Variants in THAP5 observed in about 807,000 individuals in gnomAD.
THAP5 encodes THAP domain containing 5, also known as THAP domain-containing protein 5.
In THAP5, 26 loss-of-function variants were observed where a neutral mutation model predicts 34.0. The ratio of observed to expected loss-of-function variants is 0.77; its 90% CI spans 0.56 to 1.06. The LOEUF is 1.06. THAP5 is among the 50% of genes least tolerant of loss of function. The pLI is 0.00. For missense variants in THAP5, 394 were observed against 452.8 expected (o/e 0.87, Z 1.18); for synonymous variants, 125 against 153.0 (o/e 0.82, Z 1.35).
downstream of THAP5, among the ~76,000 whole-genome samples, chr7:108,560,355 CT>C (rs1298512762): frequency 6.6e-6 from 1 of 152,218 alleles, no homozygotes; most frequent in Non-Finnish European, 1.5e-5. Context: ...CTTTTCAAGG[CT>C]TTACTGAGGT....
chr7:108,569,728 C>T, upstream of THAP5: 1 of 921,488 alleles, frequency 1.1e-6, no homozygotes, highest in Non-Finnish European at 1.6e-6. Context: ...TCCGCCTCCT[C>T]CGGTTTAAGC....
At chr7:108,542,627 T>G in the THAP5 span, among the ~76,000 whole-genome samples, 1 of 152,152 alleles carries the variant, frequency 6.6e-6, no homozygotes, top group Non-Finnish European at 1.5e-5. Context: ...CACGCCCAGC[T>G]AATTTTTGTT....
At chr7:108,561,321 T>G (rs775672447), downstream of THAP5, among the ~76,000 whole-genome samples, 8 of 151,768 alleles carry the variant, frequency 5.3e-5, no homozygotes, top group Non-Finnish European at 1.0e-4. Context: ...TGGAATGCAG[T>G]GGCACGATCT....
At chr7:108,567,109 A>C (rs776625906) in intron 1 of THAP5, among the ~76,000 whole-genome samples, 1 of 152,178 alleles carries the variant, frequency 6.6e-6, no homozygotes, top group Admixed American at 6.5e-5. Flanking sequence ...TTAAGATGCC[A>C]TGGAAAGTCT....
At chr7:108,565,599 G>T in intron 2 of THAP5, 1 of 338,238 alleles carries the variant, frequency 3.0e-6, no homozygotes. Flanking sequence ...TAAAACTCAT[G>T]AACTTGTGTT....
chr7:108,557,217 C>G (rs1044367931), downstream of THAP5, among the ~76,000 whole-genome samples: 3 of 152,224 alleles, frequency 2.0e-5, no homozygotes, highest in African/African-American at 7.2e-5. Context: ...AAGCCTTTTC[C>G]CCATTGTCTT....
Position 108,569,601 on chromosome 7 carries a change from G to T in THAP5, c.-32C>A. 1 of 1,549,468 alleles carries T rather than the reference G, an allele frequency of 6.5e-7. No homozygotes were observed. Among genetic ancestry groups the T allele is most frequent in the East Asian group, 2.4e-5 (1 of 40,924 alleles). ...GGTGAGGCCCCTGGAGACCGGGGCC[G>T]GCGACGGATGCAGGGCGGCCCTCCT... On this transcript the variant is annotated 5_prime_UTR_variant, in exon 1 of 3. Transcript: ENST00000415914.
downstream of THAP5, among the ~76,000 whole-genome samples, chr7:108,558,381 G>GTGTGTA (rs1321603472): frequency 6.4e-5 from 6 of 93,822 alleles, no homozygotes; most frequent in Admixed American, 1.0e-4. Flanking sequence ...GTGTGTGTAT[G>GTGTGTA]TATATATATA....
At chr7:108,545,922 A>G in the THAP5 span, among the ~76,000 whole-genome samples, 1 of 151,982 alleles carries the variant, frequency 6.6e-6, no homozygotes, top group Non-Finnish European at 1.5e-5. Flanking sequence ...TTGACATTCT[A>G]ATTTCTATGG....
intron 1 of THAP5, 26 bp from the exon 2 acceptor site, chr7:108,566,048 A>G: frequency 6.7e-7 from 1 of 1,491,680 alleles, no homozygotes. Context: ...AAAAGAAGAA[A>G]AAAGGAAAAA....
At position 108,569,594 on chromosome 7, in the gene THAP5, CG is replaced by C. The variant is rs1447357949; in HGVS notation, c.-26del. Reference sequence around the variant, plus strand: ...TGACTCGGGTGAGGCCCCTGGAGACCGGGGCCGGCGACGGATGCAGGGCGGC... The same window carrying C: ...TGACTCGGGTGAGGCCCCTGGAGACCGGGCCGGCGACGGATGCAGGGCGGC... On this transcript the variant is annotated 5_prime_UTR_variant, in exon 1 of 3. Transcript: ENST00000415914. 1.3e-6 allele frequency: 2 copies of C among 1,550,092 alleles called. No individual in the cohort carries two copies. The highest frequency in any genetic ancestry group is 1.7e-6 in the Non-Finnish European group (2 of 1,146,976).
At chr7:108,561,678 A>C (rs1420712068), downstream of THAP5, among the ~76,000 whole-genome samples, 1 of 152,130 alleles carries the variant, frequency 6.6e-6, no homozygotes, top group African/African-American at 2.4e-5. Flanking sequence ...GAGAGACAGA[A>C]TTTGAGTGTG....
chr7:108,547,532 G>A, the THAP5 span, among the ~76,000 whole-genome samples: 2 of 152,064 alleles, frequency 1.3e-5, no homozygotes, highest in African/African-American at 2.4e-5. Flanking sequence ...ATTTTCCAGC[G>A]ATCCAAAAGA....
Position 108,569,691 on chromosome 7 carries a change from G to A in THAP5, c.-122C>T, listed in dbSNP as rs1790573377. On this transcript the variant is annotated 5_prime_UTR_variant, in exon 1 of 3. Transcript: ENST00000415914. Reference sequence around the variant, plus strand: ...TGCGCCTGCGCTAGCATTCTGCCGGGAAAGCCGCCTCGTCTGTCGACTCAC... The same window carrying A: ...TGCGCCTGCGCTAGCATTCTGCCGGAAAAGCCGCCTCGTCTGTCGACTCAC... 7 of 1,317,150 alleles carry A rather than the reference G, an allele frequency of 5.3e-6. No homozygotes were observed. Among genetic ancestry groups the A allele is most frequent in the East Asian group, 2.5e-5 (1 of 39,592 alleles). 81.6% of individuals were successfully genotyped at this position (1,317,150 alleles called of 1,614,324 possible).
downstream of THAP5, among the ~76,000 whole-genome samples, chr7:108,553,175 A>G (rs116110535): frequency 6.3e-4 from 96 of 152,160 alleles, 2 homozygotes; most frequent in African/African-American, 2.0e-3. Flanking sequence ...CTAAATTACA[A>G]TGTCTTCAGT....
chr7:108,563,633 A>T lies in THAP5; in HGVS notation c.*558T>A, dbSNP rs1790409416. ...TGTAACTATAGCCAAAAGGTCAAAG[A>T]CCACAGAATTCAATAAATACTGAAA... is the stretch of plus-strand genomic sequence containing the variant. On this transcript the variant is annotated 3_prime_UTR_variant, in exon 3 of 3. Coordinates refer to ENST00000415914, the MANE Select transcript of THAP5 (RefSeq NM_001130475.3). 6.6e-6 allele frequency: 1 copy of T among 152,040 alleles called. No individual in the cohort carries two copies. Among genetic ancestry groups the T allele is most frequent in the Non-Finnish European group, 1.5e-5 (1 of 68,010 alleles). 9.4% of individuals were successfully genotyped at this position (152,040 alleles called of 1,614,324 possible).
rs1271367660 is a variant in THAP5, at chr7:108,569,662, C to T, written c.-93G>A. On this transcript the variant is annotated 5_prime_UTR_variant, in exon 1 of 3. Transcript: ENST00000415914. ...GCGCCACAGGTCCAGGCCTCTCGAG[C>T]CCCTGCGCCTGCGCTAGCATTCTGC... 5.4e-6 allele frequency: 8 copies of T among 1,471,184 alleles called. No homozygotes were observed. The highest frequency in any genetic ancestry group is 2.4e-5 in the South Asian group (2 of 82,266). 91.1% of individuals were successfully genotyped at this position (1,471,184 alleles called of 1,614,324 possible).
At chr7:108,561,326 C>T (rs1047645362), downstream of THAP5, among the ~76,000 whole-genome samples, 9 of 151,572 alleles carry the variant, frequency 5.9e-5, no homozygotes, top group Non-Finnish European at 7.4e-5. Context: ...TGCAGTGGCA[C>T]GATCTCAGCC....
At chr7:108,560,818 G>A (rs1364284122), downstream of THAP5, among the ~76,000 whole-genome samples, 1 of 152,068 alleles carries the variant, frequency 6.6e-6, no homozygotes, top group African/African-American at 2.4e-5. Context: ...ATGGCTCACT[G>A]CAGCCTTGAC....
Sources: gnomAD v4.1 joint callset for allele counts (sites outside exome capture counted in the v4.1 genomes callset) on GRCh38, gnomAD v4.1.1 for gene constraint, MANE v1.5 for transcripts, NCBI Gene and HGNC (gene_info 2026-07-23, HGNC 2026-07-21) for gene names.